Variants in RMDN2 observed in about 807,000 individuals in gnomAD.
RMDN2 encodes the protein regulator of microtubule dynamics 2, also known as regulator of microtubule dynamics protein 2.
Under a neutral mutation model 52.8 loss-of-function variants are expected in RMDN2, and 61 were observed. That is an observed-to-expected ratio of 1.16 (90% CI 0.94 to 1.43). The LOEUF (loss-of-function observed/expected upper bound fraction) is 1.43, where lower values mean the gene tolerates loss of function less well. Ranked by LOEUF, RMDN2 falls within the 40% of genes most tolerant of loss-of-function variation. The pLI is 0.00. For missense variants in RMDN2, 592 were observed against 475.3 expected (o/e 1.25, Z -2.28); for synonymous variants, 180 against 153.1 (o/e 1.18, Z -1.30).
intron 2 of RMDN2, among the ~76,000 whole-genome samples, chr2:37,946,753 G>T (rs1668254034): frequency 6.6e-6 from 1 of 152,126 alleles, no homozygotes; most frequent in Admixed American, 6.6e-5. Flanking sequence ...ATATATGAGA[G>T]TAAGAACCCT....
At chr2:37,996,085 G>A (rs1434147649) in intron 7 of RMDN2, among the ~76,000 whole-genome samples, 1 of 152,112 alleles carries the variant, frequency 6.6e-6, no homozygotes, top group African/African-American at 2.4e-5. Context: ...CTGTTGAAAT[G>A]ATGAAATATT....
At chr2:37,951,347 T>G (rs1245456067) in intron 2 of RMDN2, 1 of 1,613,214 alleles carries the variant, frequency 6.2e-7, no homozygotes, top group East Asian at 2.2e-5. Context: ...CTCTTGGTCA[T>G]AAAACATCTT....
At chr2:37,946,743 A>G (rs974759380) in intron 2 of RMDN2, among the ~76,000 whole-genome samples, 5 of 152,258 alleles carry the variant, frequency 3.3e-5, no homozygotes, top group Middle Eastern at 3.4e-3. Context: ...TTGCCATTTC[A>G]TATATGAGAG....
intron 5 of RMDN2, among the ~76,000 whole-genome samples, chr2:37,988,773 G>A (rs1360761905): frequency 2.6e-5 from 4 of 152,132 alleles, no homozygotes; most frequent in Admixed American, 2.6e-4. Context: ...TTTTTGTACA[G>A]GTAGAAACAC....
intron 10 of RMDN2, among the ~76,000 whole-genome samples, chr2:38,042,424 CCACA>C (rs1553388802): frequency 6.0e-5 from 6 of 100,832 alleles, no homozygotes; most frequent in East Asian, 4.1e-4. Context: ...CACACACACA[CCACA>C]CACACACACA....
chr2:38,058,699 A>T (rs543219875), intron 10 of RMDN2, among the ~76,000 whole-genome samples: 17 of 152,272 alleles, frequency 1.1e-4, no homozygotes, highest in African/African-American at 4.1e-4. Flanking sequence ...GTGTTTCAGA[A>T]CTGAGGTTAT....
intron 2 of RMDN2, among the ~76,000 whole-genome samples, chr2:37,944,819 A>T (rs1434918407): frequency 6.6e-6 from 1 of 152,200 alleles, no homozygotes; most frequent in Non-Finnish European, 1.5e-5. Context: ...TTTATGTTTC[A>T]CTTTTTGTTT....
intron 2 of RMDN2, among the ~76,000 whole-genome samples, chr2:37,951,080 C>G (rs555031315): frequency 3.9e-5 from 6 of 152,190 alleles, no homozygotes; most frequent in African/African-American, 1.2e-4. Flanking sequence ...TTAAGCTCCC[C>G]TATTCTTCTT....
intron 5 of RMDN2, among the ~76,000 whole-genome samples, chr2:37,986,962 C>T (rs1432570125): frequency 6.6e-6 from 1 of 151,870 alleles, no homozygotes; most frequent in African/African-American, 2.4e-5. Flanking sequence ...TAACATTATA[C>T]TGAAAGTTCT....
intron 10 of RMDN2, among the ~76,000 whole-genome samples, chr2:38,024,453 T>C (rs1679624347): frequency 6.6e-6 from 1 of 152,172 alleles, no homozygotes; most frequent in East Asian, 1.9e-4. Flanking sequence ...GTAGGGTCAG[T>C]CTTTTTCATT....
rs1181591641 is a variant in RMDN2 at position 37,933,732 on chromosome 2, G to C, written c.452+4003G>C. ...GCCGAGATGGCAGCAGTACCATCCA[G>C]CTTCGGCTCGGCATCAGAGGGAGAC... On this transcript the variant is annotated intron_variant, in intron 2 of 10. Transcript: ENST00000354545. Among the ~76,000 whole-genome samples the C allele has an allele frequency of 2.0e-5, 3 of 152,354 alleles. No individual in the cohort carries two copies. In the East Asian group the frequency reaches 5.8e-4, roughly 29 times the overall value.
chr2:37,988,233 A>G (rs1166349697), intron 5 of RMDN2, among the ~76,000 whole-genome samples: 1 of 152,242 alleles, frequency 6.6e-6, no homozygotes, highest in African/African-American at 2.4e-5. Context: ...GTTTTTATAA[A>G]GCAGTTTGAG....
chr2:37,995,239 A>C (rs980076587), intron 7 of RMDN2, among the ~76,000 whole-genome samples: 9 of 152,102 alleles, frequency 5.9e-5, no homozygotes, highest in Admixed American at 5.2e-4. Flanking sequence ...GTAACCAAAT[A>C]AATAATAATC....
intron 10 of RMDN2, chr2:38,039,322 G>C (rs1421270731): frequency 6.6e-6 from 1 of 152,008 alleles, no homozygotes; most frequent in East Asian, 1.9e-4. Flanking sequence ...CACTTGTCTG[G>C]TCCCGAAGCC....
chr2:37,935,319 T>G (rs1471715392), intron 2 of RMDN2, among the ~76,000 whole-genome samples: 3 of 152,246 alleles, frequency 2.0e-5, no homozygotes, highest in African/African-American at 4.8e-5. Flanking sequence ...AACTTTCACT[T>G]TCATGAGCCA....
intron 2 of RMDN2, among the ~76,000 whole-genome samples, chr2:37,937,101 G>A (rs149653419): frequency 1.3e-5 from 2 of 151,996 alleles, no homozygotes; most frequent in African/African-American, 2.4e-5. Context: ...AAGGGGTCCA[G>A]TTTCAGTTTT....
rs1047443178 is a variant in RMDN2, at chr2:37,959,568, G to A, written c.453-14472G>A. Among the ~76,000 whole-genome samples the A allele has an allele frequency of 2.7e-5, 4 of 149,522 alleles. 1 individual carries two copies. The highest frequency in any genetic ancestry group is 2.1e-4 in the South Asian group (1 of 4,804). ...TTTCTTCTTTATTAATCTGGCTAGC[G>A]ATCTATTTTGTTGATCTTTTCAAAA... On this transcript the variant is annotated intron_variant, in intron 2 of 10. Transcript: ENST00000354545.
chr2:38,014,344 C>A (rs994518505), intron 10 of RMDN2, among the ~76,000 whole-genome samples: 6 of 152,132 alleles, frequency 3.9e-5, no homozygotes, highest in Admixed American at 3.9e-4. Flanking sequence ...TGACTCTTAC[C>A]TTCTTGTCAT....
intron 2 of RMDN2, among the ~76,000 whole-genome samples, chr2:37,948,215 G>A (rs1380743526): frequency 6.6e-6 from 1 of 152,164 alleles, no homozygotes; most frequent in African/African-American, 2.4e-5. Flanking sequence ...CAGTGCTCAG[G>A]AATCTGCATT....
Sources: gnomAD v4.1 joint callset for allele counts (sites outside exome capture counted in the v4.1 genomes callset) on GRCh38, gnomAD v4.1.1 for gene constraint, MANE v1.5 for transcripts, NCBI Gene and HGNC (gene_info 2026-07-23, HGNC 2026-07-21) for gene names.